ASXL3: variants seen among roughly 807,000 people sequenced by gnomAD.
ASXL3 encodes the protein putative Polycomb group protein ASXL3.
In ASXL3, 34 loss-of-function variants were observed where a neutral mutation model predicts 170.6. The observed-to-expected ratio is 0.20, with a 90% CI of 0.15 to 0.27. The LOEUF (loss-of-function observed/expected upper bound fraction) is 0.27. Among genes scored for constraint, ASXL3 ranks in the 10% least tolerant of loss-of-function variants. ASXL3 has a pLI of 1.00. For synonymous variants in ASXL3, 1,002 were observed against 989.1 expected, an observed-to-expected ratio of 1.01 and a Z score of -0.24; for missense variants, 2,592 against 2,695.3, an observed-to-expected ratio of 0.96 and a Z score of 0.85.
At chr18:33,673,732 T>C (rs1030726298) in intron 7 of ASXL3, among the ~76,000 whole-genome samples, 1 of 152,194 alleles carries the variant, frequency 6.6e-6, no homozygotes, top group African/African-American at 2.4e-5. Context: ...TCAGAATTTG[T>C]TTTAATACTG....
At chr18:33,642,416 A>C (rs1256890098) in intron 2 of ASXL3, among the ~76,000 whole-genome samples, 1 of 151,942 alleles carries the variant, frequency 6.6e-6, no homozygotes, top group Non-Finnish European at 1.5e-5. Context: ...CAGAATAACT[A>C]GTTTTTCCTC....
Position 33,738,604 on chromosome 18 carries a change from G to A in ASXL3, c.1200G>A (p.Leu400=). ...TTCCAGTTTCTGCACAGACAGCCTT[G>A]GCAGAACAACAGCCAAAAAGCATGA... ...SGLPVSAQTA[L]AEQQPKSMKS... Residue 400 remains leucine (L), a synonymous_variant, in exon 11 of 12, where the codon TTG becomes TTA. Transcript: ENST00000269197. 1 of 1,613,892 alleles carries A rather than the reference G, an allele frequency of 6.2e-7. No individual in the cohort carries two copies. The highest frequency in any genetic ancestry group is 1.7e-5 in the Admixed American group (1 of 59,978).
At chr18:33,681,800 T>A (rs141081684) in intron 7 of ASXL3, among the ~76,000 whole-genome samples, 1 of 152,092 alleles carries the variant, frequency 6.6e-6, no homozygotes. Context: ...TCTATAAATA[T>A]GCATTTTGAC....
intron 9 of ASXL3, among the ~76,000 whole-genome samples, chr18:33,734,092 A>ATTTAGCTTTAGCATTCTTCTAAAGCG (rs1290223686): frequency 6.6e-6 from 1 of 152,178 alleles, no homozygotes; most frequent in Admixed American, 6.5e-5. Flanking sequence ...CTTCTAAAGC[A>ATTTAGCTTTAGCATTCTTCTAAAGCG]TTTAGCTTTA....
intron 2 of ASXL3, among the ~76,000 whole-genome samples, chr18:33,643,047 T>C (rs890802303): frequency 6.6e-5 from 10 of 151,898 alleles, no homozygotes; most frequent in Admixed American, 1.3e-4. Flanking sequence ...GTCATTTTTA[T>C]GTATTGGATT....
chr18:33,661,623 GA>G lies in ASXL3; in HGVS notation c.365del (p.Lys122SerfsTer3). Reference sequence around the variant, plus strand: ...ATCTCTCTCTGTTTCTAGTTTGTTCGAAGCAGGTAACTGATGAAGCATCTTC... The same window carrying G: ...ATCTCTCTCTGTTTCTAGTTTGTTCGAGCAGGTAACTGATGAAGCATCTTC... ...AHGEENGVCS[K>X]QVTDEASSTR... On this transcript the variant is annotated frameshift_variant, in exon 5 of 12. Coordinates refer to ENST00000269197, the MANE Select transcript of ASXL3 (RefSeq NM_030632.3). LOFTEE classifies it high-confidence loss of function. 6.2e-7 allele frequency: 1 copy of G among 1,609,398 alleles called. No individual in the cohort carries two copies.
chr18:33,711,638 C>T (rs920063278), intron 8 of ASXL3, among the ~76,000 whole-genome samples: 1 of 152,158 alleles, frequency 6.6e-6, no homozygotes, highest in Non-Finnish European at 1.5e-5. Flanking sequence ...TCCCCTTTAT[C>T]ATTTGAATAA....
At chr18:33,742,628 A>T (rs141119932) in intron 11 of ASXL3, among the ~76,000 whole-genome samples, 1 of 152,348 alleles carries the variant, frequency 6.6e-6, no homozygotes, top group East Asian at 1.9e-4. Context: ...CATTAAGAAG[A>T]TTCTTCATTT....
intron 1 of ASXL3, among the ~76,000 whole-genome samples, chr18:33,584,099 T>C (rs1379416703): frequency 1.3e-5 from 2 of 152,088 alleles, no homozygotes; most frequent in East Asian, 3.9e-4. Context: ...GAATGCTCAA[T>C]GGATTAGGTG....
At chr18:33,694,227 C>A (rs978749769) in intron 8 of ASXL3, among the ~76,000 whole-genome samples, 1 of 152,100 alleles carries the variant, frequency 6.6e-6, no homozygotes. Context: ...GCCAGACATG[C>A]CTTTGTGCAT....
Position 33,738,935 on chromosome 18 carries a change from A to G in ASXL3, c.1531A>G (p.Thr511Ala), listed in dbSNP as rs1373855515. The G allele has an allele frequency of 2.5e-6, 4 of 1,613,500 alleles. No homozygotes were observed. Among genetic ancestry groups the G allele is most frequent in the Admixed American group, 1.7e-5 (1 of 59,916 alleles). The change falls in exon 11 of 12, where the codon ACT (threonine) becomes GCT (alanine). Residue 511 changes from threonine (T) to alanine (A), a missense_variant. Thr to Ala is a moderately conservative substitution (Grantham distance 58). Around this residue, in one of 4 missense-constraint regions of ASXL3, gnomAD observed 2,246 missense variants for 2,219.6 expected, o/e 1.01. Transcript: ENST00000269197. ...TGTTATGATGAATGATGTTTTAGAA[A>G]CTTTGCCTCATATTGAAGTTAAGAT... The part of the protein sequence containing the change: ...SCVMMNDVLE[T>A]LPHIEVKIEG...
chr18:33,700,938 A>G (rs1446176152), intron 8 of ASXL3, among the ~76,000 whole-genome samples: 1 of 152,070 alleles, frequency 6.6e-6, no homozygotes, highest in Non-Finnish European at 1.5e-5. Context: ...GGAGGAAGTT[A>G]ACATGCTAGC....
intron 7 of ASXL3, among the ~76,000 whole-genome samples, chr18:33,679,248 C>T (rs1160103937): frequency 6.6e-6 from 1 of 151,886 alleles, no homozygotes; most frequent in Non-Finnish European, 1.5e-5. Flanking sequence ...TAGGTTTGGC[C>T]TTTGCCTCTA....
At chr18:33,738,419 T>G in intron 10 of ASXL3, 68 bp from the exon 11 acceptor site, 6 of 1,425,758 alleles carry the variant, frequency 4.2e-6, no homozygotes, top group Non-Finnish European at 5.6e-6. Context: ...ACTACATTCA[T>G]GAGAGATCCC....
At chr18:33,616,236 C>A (rs754980657) in intron 2 of ASXL3, among the ~76,000 whole-genome samples, 39 of 152,082 alleles carry the variant, frequency 2.6e-4, no homozygotes, top group Admixed American at 7.2e-4. Flanking sequence ...CAATCCTAAT[C>A]GACTTGGGCT....
intron 1 of ASXL3, among the ~76,000 whole-genome samples, chr18:33,582,110 A>G (rs1011021940): frequency 6.6e-6 from 1 of 152,202 alleles, no homozygotes; most frequent in Non-Finnish European, 1.5e-5. Flanking sequence ...CTAAGGTTGT[A>G]GAGTCTCAGA....
At chr18:33,595,091 A>G (rs563143230) in intron 1 of ASXL3, among the ~76,000 whole-genome samples, 16 of 152,310 alleles carry the variant, frequency 1.1e-4, no homozygotes, top group East Asian at 3.9e-4. Context: ...TACCTGCTTC[A>G]TATTTTTAAA....
intron 8 of ASXL3, among the ~76,000 whole-genome samples, chr18:33,706,122 T>C (rs1193019633): frequency 6.6e-6 from 1 of 151,404 alleles, no homozygotes; most frequent in African/African-American, 2.4e-5. Context: ...TTTTTTTTCA[T>C]TTTGGAGTAC....
At chr18:33,702,823 A>G (rs1268893137) in intron 8 of ASXL3, among the ~76,000 whole-genome samples, 1 of 152,148 alleles carries the variant, frequency 6.6e-6, no homozygotes, top group Non-Finnish European at 1.5e-5. Flanking sequence ...GTTTCTAAGT[A>G]TACTATTTCC....
Sources: allele counts gnomAD v4.1 joint callset (sites outside exome capture counted in the v4.1 genomes callset), GRCh38; gene constraint gnomAD v4.1.1; regional missense constraint gnomAD v4.1.1; transcripts MANE v1.5; gene names NCBI Gene and HGNC (gene_info 2026-07-23, HGNC 2026-07-21).